MALRD1: variants seen among roughly 807,000 people sequenced by gnomAD.
The protein encoded by MALRD1 is MAM and LDL-receptor class A domain-containing protein 1.
Under a neutral mutation model 242.1 loss-of-function variants are expected in MALRD1, and 247 were observed. That is an observed-to-expected ratio of 1.02 (90% CI 0.92 to 1.13). The LOEUF is 1.13. Among genes scored for constraint, MALRD1 ranks in the 50% most tolerant of loss-of-function variants. The pLI is 0.00. For synonymous variants in MALRD1, 995 were observed against 866.6 expected (o/e 1.15, Z -2.60); for missense variants, 2,989 against 2,533.1 (o/e 1.18, Z -3.86).
chr10:19,438,174 TC>T (rs542926947), intron 28 of MALRD1, among the ~76,000 whole-genome samples: 3 of 152,094 alleles, frequency 2.0e-5, no homozygotes, highest in Admixed American at 2.0e-4. Flanking sequence ...TCTCTGTGTT[TC>T]TTTTTTTACT....
chr10:19,297,043 T>C (rs1265155601), intron 21 of MALRD1, among the ~76,000 whole-genome samples: 1 of 151,306 alleles, frequency 6.6e-6, no homozygotes, highest in East Asian at 1.9e-4. Flanking sequence ...TTATCCTTGA[T>C]TCCATTTAGT....
At chr10:19,125,300 TC>T (rs1299206654) in intron 7 of MALRD1, among the ~76,000 whole-genome samples, 5 of 50,576 alleles carry the variant, frequency 9.9e-5, no homozygotes, top group Non-Finnish European at 1.8e-4. Flanking sequence ...TTTCCTTCCT[TC>T]CTTCCTTCCT....
intron 36 of MALRD1, among the ~76,000 whole-genome samples, chr10:19,647,799 T>A (rs535768916): frequency 3.0e-4 from 46 of 152,288 alleles, no homozygotes; most frequent in African/African-American, 1.1e-3. Flanking sequence ...ATAACTCACA[T>A]AAGACTTAAC....
chr10:19,537,814 C>T (rs1381915841), intron 32 of MALRD1, among the ~76,000 whole-genome samples: 1 of 152,128 alleles, frequency 6.6e-6, no homozygotes, highest in Admixed American at 6.6e-5. Context: ...GTAGGCCCTA[C>T]CTTCTAATAC....
chr10:19,409,844 A>G (rs997029027), intron 28 of MALRD1, among the ~76,000 whole-genome samples: 1 of 152,128 alleles, frequency 6.6e-6, no homozygotes, highest in Non-Finnish European at 1.5e-5. Flanking sequence ...TTTACTTCCA[A>G]TTTGTACAAT....
At position 19,280,201 on chromosome 10, in the gene MALRD1, C is replaced by G; in HGVS notation, c.3234C>G (p.Asp1078Glu). The change falls in exon 20 of 40, where the codon GAC becomes GAG. Residue 1078 changes from aspartate to glutamate, a missense_variant. By Grantham distance (45) the Asp-to-Glu change is conservative. Transcript: ENST00000454679. Reference sequence around the variant, plus strand: ...GTGATTTTAAATATGACTGCCCTGACAAATCAGATGAAGCATCCTGTGGTA... The same window carrying G: ...GTGATTTTAAATATGACTGCCCTGAGAAATCAGATGAAGCATCCTGTGGTA... ...QKCDFKYDCP[D>E]KSDEASCVME... 1 of 1,515,962 alleles carries G rather than the reference C, an allele frequency of 6.6e-7. No homozygotes were observed. Among genetic ancestry groups the G allele is most frequent in the Non-Finnish European group, 8.8e-7 (1 of 1,135,084 alleles). The allele number at this position is 1,515,962 out of a possible 1,614,324, so 93.9% of individuals were successfully genotyped here.
At chr10:19,632,666 C>G (rs1195955625) in intron 36 of MALRD1, among the ~76,000 whole-genome samples, 2 of 152,030 alleles carry the variant, frequency 1.3e-5, no homozygotes, top group African/African-American at 4.8e-5. Context: ...ACCTTACATG[C>G]TGGGCCCAGA....
At chr10:19,177,879 T>C (rs1015761905) in intron 14 of MALRD1, among the ~76,000 whole-genome samples, 2 of 152,096 alleles carry the variant, frequency 1.3e-5, no homozygotes, top group African/African-American at 4.8e-5. Context: ...AGGACCCCTC[T>C]AGAATGAGGA....
chr10:19,509,429 G>A (rs1461008074), intron 31 of MALRD1, among the ~76,000 whole-genome samples: 1 of 152,114 alleles, frequency 6.6e-6, no homozygotes, highest in African/African-American at 2.4e-5. Flanking sequence ...TACTAAGTTA[G>A]GTTGCAGTTG....
In MALRD1 at chr10:19,329,740, C is replaced by A. The variant is rs1341198463; in HGVS notation, c.3688-1629C>A. On this transcript the variant is annotated intron_variant, in intron 23 of 39. Coordinates refer to ENST00000454679, the MANE Select transcript of MALRD1 (RefSeq NM_001142308.3). Reference sequence around the variant, plus strand: ...CTACCAAATTTTAGAAAATAATTAACCCTGACTATATTCTGTCTGAAGAAA... The same window carrying A: ...CTACCAAATTTTAGAAAATAATTAAACCTGACTATATTCTGTCTGAAGAAA... Among the ~76,000 whole-genome samples the A allele has an allele frequency of 2.0e-5, 3 of 152,254 alleles. No individual in the cohort carries two copies. The East Asian group carries it at 5.8e-4, about 29-fold the overall frequency.
At chr10:19,602,657 C>T (rs1277385490) in intron 34 of MALRD1, among the ~76,000 whole-genome samples, 6 of 152,128 alleles carry the variant, frequency 3.9e-5, no homozygotes, top group African/African-American at 4.8e-5. Flanking sequence ...AATAAACATA[C>T]GTGTGCTTGT....
intron 21 of MALRD1, among the ~76,000 whole-genome samples, chr10:19,284,604 G>A (rs1308727702): frequency 6.6e-6 from 1 of 150,856 alleles, no homozygotes; most frequent in Non-Finnish European, 1.5e-5. Flanking sequence ...TGGCTGCGTA[G>A]TATTCCATGG....
chr10:19,171,834 A>G (rs1028670415), intron 13 of MALRD1, among the ~76,000 whole-genome samples: 2 of 144,806 alleles, frequency 1.4e-5, no homozygotes, highest in African/African-American at 2.5e-5. Context: ...ATATACATAT[A>G]TACACATATA....
At chr10:19,710,546 T>C (rs980442682) in intron 38 of MALRD1, 4 of 152,226 alleles carry the variant, frequency 2.6e-5, no homozygotes, top group Non-Finnish European at 5.9e-5. Flanking sequence ...TATACACATG[T>C]TTGTGCGTTG....
intron 26 of MALRD1, among the ~76,000 whole-genome samples, chr10:19,365,798 C>A (rs1202967818): frequency 2.0e-5 from 3 of 151,388 alleles, no homozygotes; most frequent in African/African-American, 7.3e-5. Context: ...ACGATGAATT[C>A]TGACAAATAC....
At chr10:19,323,028 C>T (rs1207124553) in intron 21 of MALRD1, among the ~76,000 whole-genome samples, 1 of 151,750 alleles carries the variant, frequency 6.6e-6, no homozygotes, top group Non-Finnish European at 1.5e-5. Context: ...TAAATTCTTT[C>T]TTTTATGGCA....
chr10:19,585,408 T>C (rs1837338647), intron 33 of MALRD1, among the ~76,000 whole-genome samples: 1 of 152,174 alleles, frequency 6.6e-6, no homozygotes, highest in Admixed American at 6.5e-5. Context: ...GGAGCTCTTT[T>C]AGGGCAGGCC....
At chr10:19,606,166 T>A (rs542449762) in intron 34 of MALRD1, among the ~76,000 whole-genome samples, 1 of 152,126 alleles carries the variant, frequency 6.6e-6, no homozygotes, top group South Asian at 2.1e-4. Context: ...ATAATTATAC[T>A]TGAAGAAAAA....
At chr10:19,696,635 A>G (rs940313329) in intron 38 of MALRD1, among the ~76,000 whole-genome samples, 4 of 152,154 alleles carry the variant, frequency 2.6e-5, no homozygotes, top group Admixed American at 1.3e-4. Flanking sequence ...GTCCAGGCAC[A>G]GTGGCTCATA....
Sources: allele counts gnomAD v4.1 joint callset (sites outside exome capture counted in the v4.1 genomes callset), GRCh38; gene constraint gnomAD v4.1.1; transcripts MANE v1.5; gene names NCBI Gene and HGNC (gene_info 2026-07-23, HGNC 2026-07-21).